The following KCNH7 variants were observed in gnomAD, a reference collection of about 807,000 sequenced individuals.
KCNH7 encodes potassium voltage-gated channel subfamily H member 7.
A neutral mutation model predicts 120.8 loss-of-function variants in KCNH7; 49 were observed. The ratio of observed to expected loss-of-function variants is 0.41; its 90% CI spans 0.32 to 0.51. The LOEUF is 0.51. Ranked by LOEUF, KCNH7 falls within the 20% of genes least tolerant of loss-of-function variation. KCNH7 has a pLI of 0.38. For synonymous variants in KCNH7, 547 were observed against 516.1 expected (o/e 1.06, Z -0.81); for missense variants, 1,097 against 1,446.6 (o/e 0.76, Z 3.92).
At chr2:162,731,122 C>A (rs1399136233) in intron 2 of KCNH7, among the ~76,000 whole-genome samples, 3 of 150,798 alleles carry the variant, frequency 2.0e-5, no homozygotes, top group Non-Finnish European at 4.4e-5. Context: ...AAAAAGAAAA[C>A]AAAATCATAA....
At chr2:162,399,241 G>A (rs920873583) in intron 10 of KCNH7, among the ~76,000 whole-genome samples, 3 of 151,954 alleles carry the variant, frequency 2.0e-5, no homozygotes, top group South Asian at 2.1e-4. Context: ...GAGAAAAGAA[G>A]AATTGACTGC....
At chr2:162,495,425 G>A (rs1690462710) in intron 6 of KCNH7, among the ~76,000 whole-genome samples, 2 of 152,132 alleles carry the variant, frequency 1.3e-5, no homozygotes. Flanking sequence ...CAAATCCATG[G>A]CTGGGCTAGG....
At chr2:162,776,843 A>G (rs774589934) in intron 2 of KCNH7, among the ~76,000 whole-genome samples, 2 of 152,210 alleles carry the variant, frequency 1.3e-5, no homozygotes, top group African/African-American at 2.4e-5. Context: ...GGAGTAATGT[A>G]GAGAAGATGA....
At chr2:162,488,655 A>G (rs1690187140) in intron 6 of KCNH7, among the ~76,000 whole-genome samples, 1 of 152,164 alleles carries the variant, frequency 6.6e-6, no homozygotes, top group African/African-American at 2.4e-5. Context: ...CTCCCACCAT[A>G]AGGTCCATAA....
rs138486892 is a variant in KCNH7, at chr2:162,777,367, TAGGG to T, written c.307+59166_307+59169del. ...TCAATAATTGTTATATGGTATTGCT[TAGGG>T]AATGATGACAAGAGCAAAAGTCTGT... On this transcript the variant is annotated intron_variant, in intron 2 of 15. Transcript: ENST00000332142. 1.9e-3 allele frequency among the ~76,000 whole-genome samples: 279 copies of T among 145,522 alleles called. 2 individuals are homozygous for T. Among genetic ancestry groups the T allele is most frequent in the African/African-American group, 7.2e-3 (269 of 37,320 alleles).
chr2:162,602,798 G>A (rs1476798603), intron 2 of KCNH7, among the ~76,000 whole-genome samples: 1 of 151,748 alleles, frequency 6.6e-6, no homozygotes, highest in Non-Finnish European at 1.5e-5. Flanking sequence ...AGCAGTAAAG[G>A]TAAAAGCTGA....
intron 9 of KCNH7, among the ~76,000 whole-genome samples, chr2:162,420,628 T>G (rs1221351669): frequency 6.6e-6 from 1 of 152,322 alleles, no homozygotes; most frequent in East Asian, 1.9e-4. Flanking sequence ...TTATTTTTTG[T>G]GGTCTATCAA....
Position 162,836,524 on chromosome 2 carries a change from A to C in KCNH7, c.307+13T>G, listed in dbSNP as rs1197042010. On this transcript the variant is annotated intron_variant, in intron 2 of 15. Transcript: ENST00000332142. ...GGATCAAATAGAAGGAATCCTAAAT[A>C]GAGGAATTTTACCATTTTTGTGATA... 5.6e-6 allele frequency: 9 copies of C among 1,598,578 alleles called. No homozygotes were observed. The highest frequency in any genetic ancestry group is 7.7e-6 in the Non-Finnish European group (9 of 1,166,298).
intron 2 of KCNH7, among the ~76,000 whole-genome samples, chr2:162,607,752 A>G (rs1044948242): frequency 6.6e-6 from 1 of 152,132 alleles, no homozygotes; most frequent in Non-Finnish European, 1.5e-5. Context: ...CAAGCACATT[A>G]TAAGTTATAC....
At chr2:162,682,379 G>A (rs1449930865) in intron 2 of KCNH7, among the ~76,000 whole-genome samples, 4 of 151,264 alleles carry the variant, frequency 2.6e-5, no homozygotes, top group Non-Finnish European at 4.4e-5. Context: ...TGTAAGAACC[G>A]ATTCATTAAT....
At chr2:162,439,389 G>T (rs988123129) in intron 7 of KCNH7, among the ~76,000 whole-genome samples, 1 of 151,972 alleles carries the variant, frequency 6.6e-6, no homozygotes, top group Non-Finnish European at 1.5e-5. Flanking sequence ...ACAAAAACAG[G>T]TGAGTCATTT....
At chr2:162,673,647 G>A (rs1381463519) in intron 2 of KCNH7, among the ~76,000 whole-genome samples, 1 of 152,006 alleles carries the variant, frequency 6.6e-6, no homozygotes, top group Admixed American at 6.6e-5. Flanking sequence ...TATGGCCCCT[G>A]GAAAGGGGAG....
At chr2:162,728,049 G>A (rs1363550396) in intron 2 of KCNH7, among the ~76,000 whole-genome samples, 1 of 152,006 alleles carries the variant, frequency 6.6e-6, no homozygotes, top group Admixed American at 6.6e-5. Context: ...AGGAATTTCT[G>A]TGTCATATGA....
intron 6 of KCNH7, among the ~76,000 whole-genome samples, chr2:162,456,021 G>A (rs1301300727): frequency 2.0e-5 from 3 of 152,016 alleles, no homozygotes; most frequent in Non-Finnish European, 4.4e-5. Flanking sequence ...TCTTTTAATT[G>A]TGATGTTAGG....
intron 2 of KCNH7, among the ~76,000 whole-genome samples, chr2:162,811,544 T>C (rs1684733360): frequency 1.3e-5 from 2 of 152,136 alleles, no homozygotes; most frequent in South Asian, 4.1e-4. Context: ...CGAGGGTTTG[T>C]ATCTAGGCCT....
chr2:162,668,329 A>T (rs913962147), intron 2 of KCNH7, among the ~76,000 whole-genome samples: 1 of 152,230 alleles, frequency 6.6e-6, no homozygotes, highest in Admixed American at 6.5e-5. Flanking sequence ...TGAAAATATG[A>T]CAACTTGAAA....
intron 2 of KCNH7, among the ~76,000 whole-genome samples, chr2:162,724,229 T>A (rs2105378967): frequency 6.6e-6 from 1 of 152,316 alleles, no homozygotes; most frequent in Non-Finnish European, 1.5e-5. Context: ...GCCAGGAATA[T>A]GTTCTGAGAC....
chr2:162,564,444 A>G (rs985588717), intron 2 of KCNH7, among the ~76,000 whole-genome samples: 1 of 152,152 alleles, frequency 6.6e-6, no homozygotes, highest in Non-Finnish European at 1.5e-5. Context: ...GTCAACGTAA[A>G]GCAAGCCACA....
intron 2 of KCNH7, among the ~76,000 whole-genome samples, chr2:162,655,059 G>C (rs1684698206): frequency 6.6e-6 from 1 of 152,094 alleles, no homozygotes; most frequent in African/African-American, 2.4e-5. Flanking sequence ...GAGATCTACT[G>C]TACAATTAGG....
Sources: allele counts gnomAD v4.1 joint callset (sites outside exome capture counted in the v4.1 genomes callset), GRCh38; gene constraint gnomAD v4.1.1; transcripts MANE v1.5; gene names NCBI Gene and HGNC (gene_info 2026-07-23, HGNC 2026-07-21).